Variants in PRKAR1B observed in about 807,000 individuals in gnomAD.
The protein encoded by PRKAR1B is cAMP-dependent protein kinase type I-beta regulatory subunit.
In PRKAR1B, 22 loss-of-function variants were observed where a neutral mutation model predicts 46.5. The ratio of observed to expected loss-of-function variants is 0.47; its 90% CI spans 0.34 to 0.68. PRKAR1B has a LOEUF of 0.68. Among genes scored for constraint, PRKAR1B ranks in the 30% least tolerant of loss-of-function variants. The pLI is 0.01. For missense variants in PRKAR1B, 445 were observed against 535.6 expected (o/e 0.83, Z 1.67); for synonymous variants, 259 against 217.7 (o/e 1.19, Z -1.67).
chr7:727,555 C>T (rs1042922404), upstream of PRKAR1B: 2 of 272,140 alleles, frequency 7.3e-6, no homozygotes, highest in Non-Finnish European at 1.4e-5. Context: ...CCAACGCGCC[C>T]TTCAGCTGCT....
chr7:664,603 C>T (rs1785801446), intron 4 of PRKAR1B, among the ~76,000 whole-genome samples: 2 of 152,136 alleles, frequency 1.3e-5, no homozygotes, highest in Admixed American at 1.3e-4. Context: ...CCAAATTCCA[C>T]AAGTTTCAAA....
intron 9 of PRKAR1B, among the ~76,000 whole-genome samples, chr7:557,280 G>A (rs1036296705): frequency 2.6e-5 from 4 of 152,234 alleles, no homozygotes; most frequent in African/African-American, 9.6e-5. Flanking sequence ...CCCGTGACCA[G>A]GCCCCTGGTG....
Position 601,123 on chromosome 7 carries a change from C to T in PRKAR1B, c.550-4819G>A, listed in dbSNP as rs753300251. Among the ~76,000 whole-genome samples, 3 of 152,300 alleles carry T rather than the reference C, an allele frequency of 2.0e-5. No homozygotes were observed. The East Asian group carries it at 5.8e-4, about 29-fold the overall frequency. The stretch of plus-strand genomic sequence containing the variant: ...GGCCAGGGCCAGGTCCTTGAGGGGA[C>T]GGCTTCCTGATGGGCCTCCGGCACT... On this transcript the variant is annotated intron_variant, in intron 6 of 10. Transcript: ENST00000537384.
chr7:576,619 G>A (rs1479690673), intron 9 of PRKAR1B, among the ~76,000 whole-genome samples: 4 of 151,802 alleles, frequency 2.6e-5, no homozygotes. Context: ...CGTGAAGCTG[G>A]CTGCCCTGTC....
At chr7:683,577 G>A (rs1009838432) in intron 2 of PRKAR1B, among the ~76,000 whole-genome samples, 1 of 152,220 alleles carries the variant, frequency 6.6e-6, no homozygotes, top group African/African-American at 2.4e-5. Context: ...TGGGACATGG[G>A]TGGGAGCTCC....
At chr7:656,198 A>G (rs1232574915) in intron 4 of PRKAR1B, among the ~76,000 whole-genome samples, 1 of 152,152 alleles carries the variant, frequency 6.6e-6, no homozygotes, top group Non-Finnish European at 1.5e-5. Flanking sequence ...GAATGAATGG[A>G]AAAATGAATG....
chr7:726,660 G>T, intron 1 of PRKAR1B: 2 of 1,174,872 alleles, frequency 1.7e-6, no homozygotes, highest in Non-Finnish European at 2.1e-6. Context: ...AAGTGCTGCC[G>T]TAATCTGCGC....
intron 1 of PRKAR1B, among the ~76,000 whole-genome samples, chr7:721,083 C>T (rs370339907): frequency 3.3e-5 from 5 of 152,184 alleles, no homozygotes; most frequent in Admixed American, 1.3e-4. Context: ...TGCAACCCAT[C>T]GGTCTATCGG....
intron 1 of PRKAR1B, among the ~76,000 whole-genome samples, chr7:713,885 C>T (rs1465948366): frequency 6.6e-6 from 1 of 152,242 alleles, no homozygotes; most frequent in East Asian, 1.9e-4. Context: ...CAGCCCTCAC[C>T]CTCAGCACCC....
At position 550,505 on chromosome 7, in the gene PRKAR1B, A is replaced by G; in HGVS notation, c.1071T>C (p.Arg357=). Residue 357 remains arginine, a synonymous_variant, in exon 11 of 11, where the codon CGT becomes CGC. Transcript: ENST00000537384. ...CVKLDRPRFE[R]VLGPCSEILK... ...GGATCTCAGAGCAGGGCCCCAGCAC[A>G]CGCTCGAAGCGGGGCCGGTCCAGCT... The G allele has an allele frequency of 6.2e-7, 1 of 1,601,564 alleles. No individual in the cohort carries two copies. Among genetic ancestry groups the G allele is most frequent in the Non-Finnish European group, 8.5e-7 (1 of 1,174,732 alleles).
chr7:569,758 G>A (rs1296077935), intron 9 of PRKAR1B, among the ~76,000 whole-genome samples: 1 of 152,172 alleles, frequency 6.6e-6, no homozygotes. Flanking sequence ...TGGACAGCAG[G>A]CAGGGTGAGG....
intron 1 of PRKAR1B, among the ~76,000 whole-genome samples, chr7:725,708 G>C (rs1010014696): frequency 1.3e-5 from 2 of 152,190 alleles, no homozygotes; most frequent in African/African-American, 4.8e-5. Context: ...ATTAGAAATT[G>C]TGGTTTGAGT....
chr7:624,627 A>T (rs1783286869), intron 4 of PRKAR1B, among the ~76,000 whole-genome samples: 1 of 152,230 alleles, frequency 6.6e-6, no homozygotes, highest in African/African-American at 2.4e-5. Flanking sequence ...GAACACAAGG[A>T]GGTATTAAAA....
chr7:682,813 T>C (rs185039288), intron 2 of PRKAR1B, among the ~76,000 whole-genome samples: 3 of 152,300 alleles, frequency 2.0e-5, no homozygotes, highest in Non-Finnish European at 2.9e-5. Context: ...TGGCTCTGTG[T>C]GCAGAAGCAA....
chr7:559,124 T>G (rs546922566), intron 9 of PRKAR1B, among the ~76,000 whole-genome samples: 1 of 152,268 alleles, frequency 6.6e-6, no homozygotes, highest in South Asian at 2.1e-4. Flanking sequence ...ACTACGGCCG[T>G]GAACGAGGAG....
At chr7:656,057 G>A (rs948051880) in intron 4 of PRKAR1B, among the ~76,000 whole-genome samples, 1 of 152,196 alleles carries the variant, frequency 6.6e-6, no homozygotes, top group African/African-American at 2.4e-5. Flanking sequence ...TTCTCCTTGG[G>A]CTCTCCTCCC....
rs760744983 is a variant in PRKAR1B, at chr7:680,771, G to C, written c.178-45C>G. The C allele has an allele frequency of 3.0e-5, 49 of 1,609,694 alleles. 2 individuals are homozygous for C. The Admixed American group carries it at 5.9e-4, about 19-fold the overall frequency. ...ACAGAAAGGAAGTAAGAACCTGGCT[G>C]TCCCGGCCAGGCACAGGGCCCATGC... On this transcript the variant is annotated intron_variant, in intron 2 of 10. Coordinates refer to ENST00000537384, the MANE Select transcript of PRKAR1B (RefSeq NM_001164760.2).
rs936602669 is a variant in PRKAR1B, at chr7:578,317, C to A, written c.891+939G>T. ...GTCTGCGTGCGGCCACCACGGACTG[C>A]GGCCCCAGCACATCCCGGGAGCTCC... On this transcript the variant is annotated intron_variant, in intron 9 of 10. Transcript: ENST00000537384. Among the ~76,000 whole-genome samples, 5 of 152,248 alleles carry A rather than the reference C, an allele frequency of 3.3e-5. No individual in the cohort carries two copies. In the East Asian group the frequency reaches 7.7e-4, roughly 23 times the overall value.
rs1308359823 is a variant in PRKAR1B at position 664,124 on chromosome 7, C to T, written c.440+13105G>A. On this transcript the variant is annotated intron_variant, in intron 4 of 10. Transcript: ENST00000537384. ...GAGGGCCCTCCCCACGCAACCTTCC[C>T]TTCGCCTGGCCTCTCTCCACAGACC... 4.6e-5 allele frequency among the ~76,000 whole-genome samples: 7 copies of T among 152,194 alleles called. No homozygotes were observed. In the East Asian group the frequency reaches 1.4e-3, roughly 29 times the overall value.
Sources: allele counts gnomAD v4.1 joint callset (sites outside exome capture counted in the v4.1 genomes callset), GRCh38; gene constraint gnomAD v4.1.1; transcripts MANE v1.5; gene names NCBI Gene and HGNC (gene_info 2026-07-23, HGNC 2026-07-21).